CMTR1: variants seen among roughly 807,000 people sequenced by gnomAD.
CMTR1 encodes cap methyltransferase 1, also known as cap-specific mRNA (nucleoside-2'-O-)-methyltransferase 1.
A neutral mutation model predicts 107.0 loss-of-function variants in CMTR1; 39 were observed. The observed-to-expected ratio is 0.36, with a 90% confidence interval of 0.28 to 0.48. The LOEUF (loss-of-function observed/expected upper bound fraction) is 0.48. CMTR1 is among the 20% of genes least tolerant of loss of function. CMTR1 has a pLI of 0.99. For synonymous variants in CMTR1, 366 were observed against 379.5 expected (o/e 0.96, Z 0.41); for missense variants, 672 against 1,064.9 (o/e 0.63, Z 5.14).
chr6:37,456,320 A>G (rs1349230904), intron 8 of CMTR1, among the ~76,000 whole-genome samples: 1 of 152,246 alleles, frequency 6.6e-6, no homozygotes, highest in Non-Finnish European at 1.5e-5. Context: ...ATCCAAAAAG[A>G]TGAATAATCG....
chr6:37,429,444 T>A (rs1464530554), upstream of CMTR1, among the ~76,000 whole-genome samples: 1 of 152,160 alleles, frequency 6.6e-6, no homozygotes, highest in Non-Finnish European at 1.5e-5. Context: ...AGAGATTATT[T>A]GAGAAAAGAA....
intron 13 of CMTR1, among the ~76,000 whole-genome samples, chr6:37,464,446 G>T (rs1208362087): frequency 6.7e-6 from 1 of 149,032 alleles, no homozygotes; most frequent in Middle Eastern, 3.4e-3. Context: ...CATCCTGGGC[G>T]ACAGAGGAAG....
intron 14 of CMTR1, 112 bp downstream of exon 14, chr6:37,471,189 T>G (rs1761617080): frequency 1.1e-6 from 1 of 917,616 alleles, no homozygotes; most frequent in Non-Finnish European, 1.7e-6. Context: ...AACACCTGCT[T>G]TTTTCTCATA....
At chr6:37,445,484 CTTTTTTTTTTTT>C (rs370310831) in intron 3 of CMTR1, among the ~76,000 whole-genome samples, 9 of 109,190 alleles carry the variant, frequency 8.2e-5, no homozygotes, top group African/African-American at 3.1e-4. Flanking sequence ...CATACCTCAC[CTTTTTTTTTTTT>C]TTTTTTTTTT....
chr6:37,429,079 G>C (rs1189488987), upstream of CMTR1, among the ~76,000 whole-genome samples: 1 of 152,134 alleles, frequency 6.6e-6, no homozygotes, highest in Non-Finnish European at 1.5e-5. Flanking sequence ...CTGGGTCCCT[G>C]AGGCTGTATT....
intron 10 of CMTR1, among the ~76,000 whole-genome samples, chr6:37,461,160 G>T (rs970790727): frequency 6.6e-6 from 1 of 152,206 alleles, no homozygotes; most frequent in Non-Finnish European, 1.5e-5. Context: ...GTCTTGTTAG[G>T]ACTCACCAGA....
At position 37,444,392 on chromosome 6, in the gene CMTR1, ATATCCATAGTAATGAATTCTTAT is replaced by A. The variant is rs1439009091; in HGVS notation, c.285+245_285+267del. On this transcript the variant is annotated intron_variant, in intron 3 of 23. Transcript: ENST00000373451. ...TCTATCTGGACTGGATCACCTTTTC[ATATCCATAGTAATGAATTCTTAT>A]TACTAACATGTGTGACTATACTTCC... Among the ~76,000 whole-genome samples, 9 of 152,290 alleles carry A rather than the reference ATATCCATAGTAATGAATTCTTAT, an allele frequency of 5.9e-5. No individual in the cohort carries two copies. In the East Asian group the frequency reaches 1.7e-3, roughly 29 times the overall value.
At position 37,480,045 on chromosome 6, in the gene CMTR1, G is replaced by C. The variant is rs1382827748; in HGVS notation, c.2408G>C (p.Trp803Ser). 1.3e-6 allele frequency: 2 copies of C among 1,581,596 alleles called. No homozygotes were observed. The highest frequency in any genetic ancestry group is 1.7e-6 in the Non-Finnish European group (2 of 1,168,020). ...TACTATGGCCGGCTCTTCTGGGAGT[G>C]GGGGGATGGCATTCGTGTGCATGAC... is the stretch of plus-strand genomic sequence containing the variant. ...ICYYGRLFWE[W>S]GDGIRVHDSQ... is the part of the protein sequence containing the mutation. The change falls in exon 24 of 24, where the codon TGG becomes TCG. Residue 803 changes from tryptophan (W) to serine (S), a missense_variant. Transcript: ENST00000373451.
At chr6:37,434,135 A>C (rs762254976) in intron 1 of CMTR1, among the ~76,000 whole-genome samples, 9 of 151,954 alleles carry the variant, frequency 5.9e-5, no homozygotes, top group Non-Finnish European at 1.3e-4. Flanking sequence ...GCTTAAAGTG[A>C]AATGTGGCTT....
chr6:37,430,729 A>C (rs1257314070), upstream of CMTR1, among the ~76,000 whole-genome samples: 1 of 152,144 alleles, frequency 6.6e-6, no homozygotes, highest in East Asian at 1.9e-4. Flanking sequence ...TAAGAATCAA[A>C]GTGGGCCGAG....
At chr6:37,456,701 T>A (rs1761302415) in intron 8 of CMTR1, among the ~76,000 whole-genome samples, 1 of 152,172 alleles carries the variant, frequency 6.6e-6, no homozygotes, top group Admixed American at 6.5e-5. Context: ...TGAGTGTTCA[T>A]CATGGTCTGA....
intron 23 of CMTR1, 98 bp from the exon 24 acceptor site, chr6:37,479,915 G>C: frequency 8.2e-7 from 1 of 1,215,530 alleles, no homozygotes; most frequent in Non-Finnish European, 1.1e-6. Context: ...CTCAACTAAA[G>C]TCATTGACAG....
At chr6:37,468,343 T>C (rs1347549132) in intron 13 of CMTR1, among the ~76,000 whole-genome samples, 1 of 152,222 alleles carries the variant, frequency 6.6e-6, no homozygotes, top group Non-Finnish European at 1.5e-5. Flanking sequence ...TACTTTATAT[T>C]GTTACTATTT....
At chr6:37,469,920 GTT>G (rs34467439) in intron 13 of CMTR1, among the ~76,000 whole-genome samples, 1 of 142,746 alleles carries the variant, frequency 7.0e-6, no homozygotes, top group Non-Finnish European at 1.5e-5. Context: ...TAGATGATCT[GTT>G]TTTTTTTTTC....
chr6:37,435,860 G>C (rs1364048647), intron 2 of CMTR1, 98 bp downstream of exon 2: 1 of 1,279,772 alleles, frequency 7.8e-7, no homozygotes, highest in Non-Finnish European at 1.0e-6. Context: ...ACTGCCCCTT[G>C]GTCCCTTGAG....
At chr6:37,466,811 G>T (rs1203271448) in intron 13 of CMTR1, among the ~76,000 whole-genome samples, 5 of 151,988 alleles carry the variant, frequency 3.3e-5, no homozygotes, top group Non-Finnish European at 7.4e-5. Context: ...ATTTTAGGAT[G>T]GGTTTTTCTA....
chr6:37,467,281 A>G (rs1267135309), intron 13 of CMTR1, among the ~76,000 whole-genome samples: 2 of 152,208 alleles, frequency 1.3e-5, no homozygotes, highest in Non-Finnish European at 2.9e-5. Context: ...TTCATAGATT[A>G]TGTATATGTG....
chr6:37,460,033 A>G (rs1194945913), intron 10 of CMTR1, among the ~76,000 whole-genome samples: 1 of 152,182 alleles, frequency 6.6e-6, no homozygotes, highest in Non-Finnish European at 1.5e-5. Context: ...GCTGGGTTAA[A>G]GTGAATGTTC....
chr6:37,480,232 C>G lies in CMTR1; in HGVS notation c.*87C>G. 3.2e-6 allele frequency: 5 copies of G among 1,555,824 alleles called. No homozygotes were observed. Among genetic ancestry groups the G allele is most frequent in the South Asian group, 2.4e-5 (2 of 82,320 alleles). On this transcript the variant is annotated 3_prime_UTR_variant, in exon 24 of 24. Transcript: ENST00000373451. ...GGCCCACAGTGCTGGCTTCTTCCCC[C>G]TCTTGAAAAGGGACTGGGGAGCATT...
Sources: allele counts gnomAD v4.1 joint callset (sites outside exome capture counted in the v4.1 genomes callset), GRCh38; gene constraint gnomAD v4.1.1; transcripts MANE v1.5; gene names NCBI Gene and HGNC (gene_info 2026-07-23, HGNC 2026-07-21).